The following FBXL7 variants were observed in gnomAD, a reference collection of about 807,000 sequenced individuals.
FBXL7 encodes F-box and leucine rich repeat protein 7, also known as F-box/LRR-repeat protein 7.
In FBXL7, 12 loss-of-function variants were observed where a neutral mutation model predicts 38.3. The ratio of observed to expected loss-of-function variants is 0.31; its 90% confidence interval spans 0.20 to 0.51. The LOEUF is 0.51. Ranked by LOEUF, FBXL7 falls within the 20% of genes least tolerant of loss-of-function variation. The pLI is 0.98. For missense variants in FBXL7, 567 were observed against 676.4 expected (o/e 0.84, Z 1.79); for synonymous variants, 297 against 300.9 (o/e 0.99, Z 0.13).
intron 2 of FBXL7, among the ~76,000 whole-genome samples, chr5:15,730,542 T>G (rs183047450): frequency 6.6e-6 from 1 of 152,296 alleles, no homozygotes; most frequent in South Asian, 2.1e-4. Flanking sequence ...CAAAATATAT[T>G]GTTTTATTTA....
At chr5:15,526,624 C>G (rs1450130550) in intron 1 of FBXL7, among the ~76,000 whole-genome samples, 1 of 152,090 alleles carries the variant, frequency 6.6e-6, no homozygotes, top group Non-Finnish European at 1.5e-5. Flanking sequence ...GCTTGCTGTT[C>G]CGCTAGAGGG....
At chr5:15,847,603 T>C (rs1738949556) in intron 2 of FBXL7, among the ~76,000 whole-genome samples, 2 of 152,176 alleles carry the variant, frequency 1.3e-5, no homozygotes, top group South Asian at 4.1e-4. Context: ...TGAAAGAATT[T>C]CACTCTCTTG....
intron 2 of FBXL7, among the ~76,000 whole-genome samples, chr5:15,763,087 T>C (rs1188122968): frequency 1.3e-5 from 2 of 152,174 alleles, no homozygotes. Flanking sequence ...CCCTTCCATC[T>C]CCCAAAATTT....
intron 2 of FBXL7, among the ~76,000 whole-genome samples, chr5:15,864,860 A>AT (rs1739636745): frequency 6.6e-6 from 1 of 152,224 alleles, no homozygotes; most frequent in African/African-American, 2.4e-5. Flanking sequence ...TTTCCATTGC[A>AT]GGGAAAAGAA....
intron 2 of FBXL7, among the ~76,000 whole-genome samples, chr5:15,809,543 CTATT>C (rs1737802468): frequency 6.6e-6 from 1 of 152,096 alleles, no homozygotes; most frequent in African/African-American, 2.4e-5. Flanking sequence ...CATTCAATAA[CTATT>C]AGCCTTTAGT....
chr5:15,697,809 T>G lies in FBXL7; in HGVS notation c.127+81737T>G, dbSNP rs144634967. 2.1e-3 allele frequency among the ~76,000 whole-genome samples: 325 copies of G among 152,318 alleles called. 2 individuals are homozygous for G. Among genetic ancestry groups the G allele is most frequent in the African/African-American group, 7.5e-3 (311 of 41,564 alleles). ...TCTGGTTAAACTTGAGCAAATAAAC[T>G]GACTTTCAACTTTAATGCCAATGCT... On this transcript the variant is annotated intron_variant, in intron 2 of 3. Coordinates refer to ENST00000504595, the MANE Select transcript of FBXL7 (RefSeq NM_012304.5).
At chr5:15,831,454 A>G (rs1477534894) in intron 2 of FBXL7, among the ~76,000 whole-genome samples, 3 of 152,138 alleles carry the variant, frequency 2.0e-5, no homozygotes, top group Non-Finnish European at 4.4e-5. Context: ...CATTCACACA[A>G]CAGCTAGCTA....
intron 2 of FBXL7, among the ~76,000 whole-genome samples, chr5:15,814,681 G>C (rs1481349017): frequency 1.3e-5 from 2 of 152,066 alleles, no homozygotes; most frequent in Non-Finnish European, 2.9e-5. Context: ...TCCATGATCA[G>C]ATTGGTTTGA....
intron 2 of FBXL7, among the ~76,000 whole-genome samples, chr5:15,787,217 C>T (rs1327382934): frequency 6.6e-6 from 1 of 152,140 alleles, no homozygotes; most frequent in Non-Finnish European, 1.5e-5. Flanking sequence ...TTTGTTATGG[C>T]AGCCCTAGAA....
chr5:15,550,993 G>A (rs1738050178), intron 1 of FBXL7, among the ~76,000 whole-genome samples: 1 of 152,220 alleles, frequency 6.6e-6, no homozygotes, highest in South Asian at 2.1e-4. Context: ...GCAAAACAGG[G>A]TGGGAGTTAT....
At chr5:15,518,021 C>G (rs181294503) in intron 1 of FBXL7, among the ~76,000 whole-genome samples, 1 of 152,148 alleles carries the variant, frequency 6.6e-6, no homozygotes, top group East Asian at 1.9e-4. Context: ...GACAGGGTCT[C>G]GCTCTGTCAC....
intron 2 of FBXL7, among the ~76,000 whole-genome samples, chr5:15,621,121 G>A (rs573528379): frequency 6.6e-6 from 1 of 152,270 alleles, no homozygotes; most frequent in Non-Finnish European, 1.5e-5. Context: ...CCATTCCAAA[G>A]TCTCATGCCA....
intron 1 of FBXL7, among the ~76,000 whole-genome samples, chr5:15,581,349 C>T (rs1330481609): frequency 1.3e-5 from 2 of 152,080 alleles, no homozygotes; most frequent in South Asian, 2.1e-4. Context: ...TGATGCCCAC[C>T]GCCCATCCTC....
intron 2 of FBXL7, among the ~76,000 whole-genome samples, chr5:15,722,891 C>G (rs1744238540): frequency 6.8e-6 from 1 of 147,228 alleles, no homozygotes; most frequent in South Asian, 2.1e-4. Flanking sequence ...CCACTACACT[C>G]CAGCCTGCTG....
At chr5:15,747,754 G>T (rs975464570) in intron 2 of FBXL7, among the ~76,000 whole-genome samples, 1 of 152,088 alleles carries the variant, frequency 6.6e-6, no homozygotes, top group Non-Finnish European at 1.5e-5. Flanking sequence ...GTGGGATCCA[G>T]GTTTTCCATC....
chr5:15,631,932 A>G (rs1008829690), intron 2 of FBXL7, among the ~76,000 whole-genome samples: 1 of 152,172 alleles, frequency 6.6e-6, no homozygotes, highest in African/African-American at 2.4e-5. Context: ...ATATTTAAAT[A>G]TTCAAATTGA....
chr5:15,514,985 T>C (rs1319422975), intron 1 of FBXL7, among the ~76,000 whole-genome samples: 1 of 152,168 alleles, frequency 6.6e-6, no homozygotes, highest in Non-Finnish European at 1.5e-5. Flanking sequence ...CAGTTTGCCT[T>C]CTCTCCTTGC....
intron 2 of FBXL7, among the ~76,000 whole-genome samples, chr5:15,923,538 T>G (rs1275042092): frequency 1.3e-5 from 2 of 152,312 alleles, no homozygotes; most frequent in East Asian, 3.9e-4. Context: ...ATTTTTAAAT[T>G]TGGAAATACA....
chr5:15,829,333 C>G (rs1738394059), intron 2 of FBXL7, among the ~76,000 whole-genome samples: 1 of 151,982 alleles, frequency 6.6e-6, no homozygotes, highest in Non-Finnish European at 1.5e-5. Flanking sequence ...CCGTTAGTCC[C>G]TGGAAATTTG....
Sources: gnomAD v4.1 joint callset for allele counts (sites outside exome capture counted in the v4.1 genomes callset) on GRCh38, gnomAD v4.1.1 for gene constraint, MANE v1.5 for transcripts, NCBI Gene and HGNC (gene_info 2026-07-23, HGNC 2026-07-21) for gene names.